ARHGAP22: variants seen among roughly 807,000 people sequenced by gnomAD.
ARHGAP22 encodes Rho GTPase activating protein 22.
Under a neutral mutation model 59.1 loss-of-function variants are expected in ARHGAP22, and 48 were observed. That is an observed-to-expected ratio of 0.81 (90% CI 0.64 to 1.03). The LOEUF (loss-of-function observed/expected upper bound fraction) is 1.03. Among genes scored for constraint, ARHGAP22 ranks in the 50% least tolerant of loss-of-function variants. The probability of loss-of-function intolerance (pLI) is 0.00; values close to 1 mark genes in which losing one functional copy is unlikely to be tolerated. For synonymous variants in ARHGAP22, 445 were observed against 416.4 expected (o/e 1.07, Z -0.84); for missense variants, 1,015 against 958.7 (o/e 1.06, Z -0.78).
intron 3 of ARHGAP22, among the ~76,000 whole-genome samples, chr10:48,550,261 C>T (rs1037199205): frequency 1.3e-5 from 2 of 152,262 alleles, no homozygotes; most frequent in African/African-American, 4.8e-5. Context: ...TTACTCTCCT[C>T]CTAGCCTTTC....
In ARHGAP22 at chr10:48,446,211, G is replaced by A. The variant is rs1331317300; in HGVS notation, c.*180C>T. On this transcript the variant is annotated 3_prime_UTR_variant, in exon 10 of 10. Coordinates refer to ENST00000249601, the MANE Select transcript of ARHGAP22 (RefSeq NM_021226.4). ...GAACTGCATGGTTGGAGCAGCATCT[G>A]ATCCCACCTGGAGTGTGTGGGGTCC... 1.6e-6 allele frequency: 1 copy of A among 640,140 alleles called. No individual in the cohort carries two copies. Among genetic ancestry groups the A allele is most frequent in the Non-Finnish European group, 2.7e-6 (1 of 371,228 alleles). The allele number at this position is 640,140 out of a possible 1,614,324, so 39.7% of individuals were successfully genotyped here.
intron 3 of ARHGAP22, among the ~76,000 whole-genome samples, chr10:48,528,361 G>A (rs2054522095): frequency 6.6e-6 from 1 of 152,188 alleles, no homozygotes; most frequent in Admixed American, 6.5e-5. Context: ...CATAGCTTAG[G>A]GAGCCTATAA....
At chr10:48,525,584 A>G (rs1182476316) in intron 3 of ARHGAP22, among the ~76,000 whole-genome samples, 2 of 152,232 alleles carry the variant, frequency 1.3e-5, no homozygotes, top group African/African-American at 4.8e-5. Context: ...AAACAAACAA[A>G]CAAATGAAAG....
chr10:48,601,117 G>T (rs774157561), intron 1 of ARHGAP22, among the ~76,000 whole-genome samples: 6 of 152,208 alleles, frequency 3.9e-5, no homozygotes, highest in Non-Finnish European at 7.3e-5. Context: ...AGCCATGAAG[G>T]TGGTGAGAGT....
At chr10:48,599,271 T>C (rs1415172733) in intron 1 of ARHGAP22, among the ~76,000 whole-genome samples, 55 of 152,052 alleles carry the variant, frequency 3.6e-4, no homozygotes, top group Non-Finnish European at 7.4e-5. Flanking sequence ...CAAACAAAAG[T>C]GACCCTGGGG....
At chr10:48,486,891 T>C (rs2049912857) in intron 3 of ARHGAP22, among the ~76,000 whole-genome samples, 1 of 152,266 alleles carries the variant, frequency 6.6e-6, no homozygotes, top group Non-Finnish European at 1.5e-5. Flanking sequence ...AATGTTTTTC[T>C]TTCACAACTG....
chr10:48,637,452 T>A (rs2061866849), intron 1 of ARHGAP22, among the ~76,000 whole-genome samples: 2 of 148,736 alleles, frequency 1.3e-5, no homozygotes, highest in South Asian at 4.3e-4. Flanking sequence ...AATGGGTGGA[T>A]TTGTAGGTAG....
At chr10:48,573,829 G>A (rs999184838) in intron 2 of ARHGAP22, among the ~76,000 whole-genome samples, 1 of 152,216 alleles carries the variant, frequency 6.6e-6, no homozygotes, top group Non-Finnish European at 1.5e-5. Flanking sequence ...CTAGTAGGTG[G>A]TATAAATGGG....
intron 3 of ARHGAP22, among the ~76,000 whole-genome samples, chr10:48,529,590 C>T (rs1464847723): frequency 3.3e-5 from 5 of 152,202 alleles, no homozygotes; most frequent in Non-Finnish European, 7.3e-5. Flanking sequence ...CCAGCAACCA[C>T]ACTGACTTCC....
intron 3 of ARHGAP22, among the ~76,000 whole-genome samples, chr10:48,531,381 A>G (rs2134949894): frequency 6.6e-6 from 1 of 152,356 alleles, no homozygotes; most frequent in South Asian, 2.1e-4. Context: ...GGACTTATTC[A>G]TGTAATAAAC....
chr10:48,487,635 G>C (rs976140673), intron 3 of ARHGAP22, among the ~76,000 whole-genome samples: 1 of 152,246 alleles, frequency 6.6e-6, no homozygotes, highest in Non-Finnish European at 1.5e-5. Context: ...AAATGGACTC[G>C]CCCTCAGACC....
intron 3 of ARHGAP22, among the ~76,000 whole-genome samples, chr10:48,506,171 A>C (rs2052115258): frequency 6.6e-6 from 1 of 152,216 alleles, no homozygotes; most frequent in Non-Finnish European, 1.5e-5. Flanking sequence ...TTAGGTTCTT[A>C]TAAAAACAAC....
chr10:48,549,100 A>C (rs2056696641), intron 3 of ARHGAP22, among the ~76,000 whole-genome samples: 1 of 152,216 alleles, frequency 6.6e-6, no homozygotes, highest in African/African-American at 2.4e-5. Flanking sequence ...AACTCAGTGA[A>C]TGTTTAGCCC....
chr10:48,469,782 G>C (rs754267221), intron 4 of ARHGAP22, among the ~76,000 whole-genome samples: 1 of 152,240 alleles, frequency 6.6e-6, no homozygotes, highest in Non-Finnish European at 1.5e-5. Context: ...CTCAGGGTGT[G>C]TGGGCTGAAG....
intron 8 of ARHGAP22, among the ~76,000 whole-genome samples, chr10:48,452,951 T>C (rs1052056310): frequency 3.3e-5 from 5 of 152,218 alleles, no homozygotes; most frequent in African/African-American, 1.2e-4. Flanking sequence ...AATTGCTTAA[T>C]TGTAAAAGAA....
chr10:48,532,005 T>C (rs1262179224), intron 3 of ARHGAP22, among the ~76,000 whole-genome samples: 1 of 152,216 alleles, frequency 6.6e-6, no homozygotes, highest in Non-Finnish European at 1.5e-5. Flanking sequence ...AGGGAGCTTG[T>C]TGAAGAAGGG....
At chr10:48,640,400 T>C (rs2061995404) in intron 1 of ARHGAP22, among the ~76,000 whole-genome samples, 1 of 152,148 alleles carries the variant, frequency 6.6e-6, no homozygotes, top group Admixed American at 6.6e-5. Context: ...CCAAGTAGGA[T>C]AAATACAAAG....
intron 3 of ARHGAP22, among the ~76,000 whole-genome samples, chr10:48,504,346 A>G (rs2051850584): frequency 6.6e-6 from 1 of 152,196 alleles, no homozygotes. Flanking sequence ...TGGTGTGTGC[A>G]GGATGCTGTG....
intron 1 of ARHGAP22, among the ~76,000 whole-genome samples, chr10:48,630,082 T>G (rs1256304105): frequency 7.1e-6 from 1 of 141,444 alleles, no homozygotes; most frequent in Non-Finnish European, 1.6e-5. Context: ...TATACCAAGT[T>G]AGAAAGAAGT....
Sources: allele counts gnomAD v4.1 joint callset (sites outside exome capture counted in the v4.1 genomes callset), GRCh38; gene constraint gnomAD v4.1.1; transcripts MANE v1.5; gene names NCBI Gene and HGNC (gene_info 2026-07-23, HGNC 2026-07-21).